LRRC4C: variants seen among roughly 807,000 people sequenced by gnomAD.
LRRC4C encodes the protein leucine rich repeat containing 4C, also known as leucine-rich repeat-containing protein 4C.
LRRC4C carries 5 observed loss-of-function variants against 33.6 expected under a neutral mutation model. That is an observed-to-expected ratio of 0.15 (90% CI 0.08 to 0.31). LRRC4C has a LOEUF of 0.31. Ranked by LOEUF, LRRC4C falls within the 10% of genes least tolerant of loss-of-function variation. The pLI is 1.00. For missense variants in LRRC4C, 560 were observed against 796.7 expected (o/e 0.70, Z 3.58); for synonymous variants, 329 against 302.0 (o/e 1.09, Z -0.93).
At chr11:40,981,329 G>A (rs775719226) in intron 1 of LRRC4C, among the ~76,000 whole-genome samples, 3 of 151,896 alleles carry the variant, frequency 2.0e-5, no homozygotes, top group Non-Finnish European at 2.9e-5. Flanking sequence ...CAGGAGAATC[G>A]CTTGAGCCCG....
chr11:41,410,764 C>A (rs1280973758), intron 1 of LRRC4C, among the ~76,000 whole-genome samples: 1 of 152,036 alleles, frequency 6.6e-6, no homozygotes, highest in African/African-American at 2.4e-5. Context: ...TATGGAACAA[C>A]ACCCGTTAAT....
chr11:40,875,816 A>C (rs1954856662), intron 2 of LRRC4C, among the ~76,000 whole-genome samples: 1 of 152,094 alleles, frequency 6.6e-6, no homozygotes, highest in Admixed American at 6.6e-5. Flanking sequence ...GATGCACTTT[A>C]TTTCTATTAT....
intron 1 of LRRC4C, among the ~76,000 whole-genome samples, chr11:40,996,094 T>A (rs1853951035): frequency 6.6e-6 from 1 of 152,160 alleles, no homozygotes; most frequent in Admixed American, 6.6e-5. Flanking sequence ...GATTCTGAAG[T>A]ATTCTTTGAA....
At chr11:41,130,568 G>GT (rs1281466099) in intron 1 of LRRC4C, among the ~76,000 whole-genome samples, 2 of 151,890 alleles carry the variant, frequency 1.3e-5, no homozygotes, top group African/African-American at 2.4e-5. Context: ...ACTATGAAAT[G>GT]TTTTTTACTT....
chr11:41,315,253 G>A (rs1327490181), intron 1 of LRRC4C, among the ~76,000 whole-genome samples: 4 of 152,128 alleles, frequency 2.6e-5, no homozygotes, highest in South Asian at 2.1e-4. Flanking sequence ...TTCCAAGATG[G>A]TCCCCAATGA....
At chr11:40,402,624 T>C (rs1365662139) in intron 3 of LRRC4C, among the ~76,000 whole-genome samples, 1 of 152,110 alleles carries the variant, frequency 6.6e-6, no homozygotes, top group Non-Finnish European at 1.5e-5. Flanking sequence ...ACCAACAGTT[T>C]GTTCATTTCT....
At chr11:41,186,786 G>C (rs1304912949) in intron 1 of LRRC4C, among the ~76,000 whole-genome samples, 1 of 152,162 alleles carries the variant, frequency 6.6e-6, no homozygotes, top group African/African-American at 2.4e-5. Context: ...GAGTCACAGT[G>C]ATGGATTCTT....
chr11:40,217,889 A>C (rs191575076), intron 5 of LRRC4C, among the ~76,000 whole-genome samples: 3 of 152,278 alleles, frequency 2.0e-5, no homozygotes, highest in Non-Finnish European at 4.4e-5. Flanking sequence ...AATTGAAAAA[A>C]CTACAGCCTT....
intron 2 of LRRC4C, among the ~76,000 whole-genome samples, chr11:40,858,190 C>A (rs991247835): frequency 6.6e-6 from 1 of 152,052 alleles, no homozygotes; most frequent in East Asian, 1.9e-4. Context: ...TAGTAGATAC[C>A]GTATTAGTGC....
chr11:41,406,824 C>T (rs1591448370), intron 1 of LRRC4C, among the ~76,000 whole-genome samples: 1 of 151,256 alleles, frequency 6.6e-6, no homozygotes, highest in Non-Finnish European at 1.5e-5. Flanking sequence ...TTTAACACAA[C>T]GTCCTTGATT....
intron 5 of LRRC4C, among the ~76,000 whole-genome samples, chr11:40,199,101 C>G (rs1300142637): frequency 5.3e-5 from 8 of 152,134 alleles, no homozygotes; most frequent in African/African-American, 1.9e-4. Flanking sequence ...GATGGAGTCT[C>G]ACTCTGTCAT....
At chr11:40,279,792 T>G (rs1344931536) in intron 4 of LRRC4C, among the ~76,000 whole-genome samples, 8 of 152,188 alleles carry the variant, frequency 5.3e-5, no homozygotes, top group Admixed American at 5.2e-4. Flanking sequence ...TCATGGGGTG[T>G]TCTAAATAAG....
intron 3 of LRRC4C, among the ~76,000 whole-genome samples, chr11:40,346,963 C>G (rs548098284): frequency 3.3e-5 from 5 of 152,134 alleles, no homozygotes; most frequent in Non-Finnish European, 5.9e-5. Context: ...CTAGGATCTG[C>G]AGAATGGTAA....
chr11:40,551,760 A>G (rs1957135460), intron 3 of LRRC4C, among the ~76,000 whole-genome samples: 1 of 152,164 alleles, frequency 6.6e-6, no homozygotes, highest in Non-Finnish European at 1.5e-5. Flanking sequence ...TTGTTAACTG[A>G]TCAACCCTCA....
intron 2 of LRRC4C, among the ~76,000 whole-genome samples, chr11:40,865,455 T>A (rs530136706): frequency 2.0e-4 from 30 of 151,928 alleles, no homozygotes; most frequent in African/African-American, 7.2e-4. Context: ...ACAAAAATGA[T>A]GACTATATGA....
intron 1 of LRRC4C, among the ~76,000 whole-genome samples, chr11:41,372,583 A>C (rs1033957390): frequency 2.0e-5 from 3 of 152,228 alleles, no homozygotes; most frequent in Non-Finnish European, 2.9e-5. Flanking sequence ...ACTATTAAAT[A>C]ACATTCAAGT....
chr11:41,149,421 G>A (rs945784473), intron 1 of LRRC4C, among the ~76,000 whole-genome samples: 3 of 151,248 alleles, frequency 2.0e-5, no homozygotes, highest in African/African-American at 7.3e-5. Flanking sequence ...GCAGGAGAAT[G>A]GCGTGAACAA....
chr11:41,137,054 C>G (rs1384430940), intron 1 of LRRC4C, among the ~76,000 whole-genome samples: 1 of 152,062 alleles, frequency 6.6e-6, no homozygotes, highest in South Asian at 2.1e-4. Flanking sequence ...TACAGACCAG[C>G]CTGGCCAACA....
intron 6 of LRRC4C, among the ~76,000 whole-genome samples, chr11:40,139,933 T>C (rs79191815): frequency 1.3e-5 from 2 of 152,324 alleles, no homozygotes; most frequent in East Asian, 3.9e-4. Flanking sequence ...GCTTGGGTAT[T>C]AATTTGGCTG....
Sources: allele counts gnomAD v4.1 joint callset (sites outside exome capture counted in the v4.1 genomes callset), GRCh38; gene constraint gnomAD v4.1.1; transcripts MANE v1.5; gene names NCBI Gene and HGNC (gene_info 2026-07-23, HGNC 2026-07-21).